The following GRP variants were observed in gnomAD, a reference collection of about 807,000 sequenced individuals.
GRP encodes gastrin releasing peptide, also known as gastrin-releasing peptide.
In GRP, 11 loss-of-function variants were observed where a neutral mutation model predicts 12.7. The ratio of observed to expected loss-of-function variants is 0.87; its 90% CI spans 0.55 to 1.44. The LOEUF (loss-of-function observed/expected upper bound fraction) is 1.44, where lower values mean the gene tolerates loss of function less well. Ranked by LOEUF, GRP falls within the 40% of genes most tolerant of loss-of-function variation. GRP has a pLI of 0.00. For synonymous variants in GRP, 84 were observed against 77.7 expected, an observed-to-expected ratio of 1.08 and a Z score of -0.43; for missense variants, 212 against 185.4, an observed-to-expected ratio of 1.14 and a Z score of -0.83.
chr18:59,226,850 G>A (rs1307634090), intron 2 of GRP, among the ~76,000 whole-genome samples: 1 of 152,188 alleles, frequency 6.6e-6, no homozygotes, highest in Non-Finnish European at 1.5e-5. Flanking sequence ...AGCTGCCTTT[G>A]CCAAGCCTCG....
chr18:59,224,533 T>C (rs894016182), intron 1 of GRP, among the ~76,000 whole-genome samples: 1 of 152,172 alleles, frequency 6.6e-6, no homozygotes, highest in African/African-American at 2.4e-5. Context: ...CGTTAGAAAT[T>C]TCAAAGTGCT....
At chr18:59,226,918 TTCTC>T (rs898873092) in intron 2 of GRP, among the ~76,000 whole-genome samples, 5 of 152,092 alleles carry the variant, frequency 3.3e-5, no homozygotes, top group African/African-American at 9.7e-5. Flanking sequence ...ATTCTGGTCT[TTCTC>T]TTTCTTTTTT....
Position 59,230,411 on chromosome 18 carries a change from ACT to A in GRP, c.395_396del (p.Ser132CysfsTer7), listed in dbSNP as rs1026739575. 8.3e-6 allele frequency: 13 copies of A among 1,571,098 alleles called. No individual in the cohort carries two copies. In the Admixed American group the frequency reaches 1.5e-4, roughly 18 times the overall value. ...TTTCTAATATTTCTTAAGTTGGTAGACTCTCTGCTCCAGGTTCTCAACGTGAA... is the reference window on the plus strand; with the variant it reads ...TTTCTAATATTTCTTAAGTTGGTAGACTCTGCTCCAGGTTCTCAACGTGAA... ...DVGSKGKVGR[L>X]SAPGSQREGR... On this transcript the variant is annotated frameshift_variant, in exon 3 of 3. Coordinates refer to ENST00000256857, the MANE Select transcript of GRP (RefSeq NM_002091.5). LOFTEE classifies it high-confidence loss of function.
Position 59,230,559 on chromosome 18 carries a change from C to T in GRP, c.*91C>T. Reference sequence around the variant, plus strand: ...TTCTACGGATCATCAACAAGATTTCCTTGTGCAAAATATTTGACTATTCTG... The same window carrying T: ...TTCTACGGATCATCAACAAGATTTCTTTGTGCAAAATATTTGACTATTCTG... On this transcript the variant is annotated 3_prime_UTR_variant, in exon 3 of 3. Coordinates refer to ENST00000256857, the MANE Select transcript of GRP (RefSeq NM_002091.5). 1.3e-6 allele frequency: 1 copy of T among 780,730 alleles called. No individual in the cohort carries two copies. Among genetic ancestry groups the T allele is most frequent in the Non-Finnish European group, 2.3e-6 (1 of 434,130 alleles). The allele number at this position is 780,730 out of a possible 1,614,324, so 48.4% of individuals were successfully genotyped here. A position where few individuals can be genotyped will look rare whatever the true frequency, so the allele number is the denominator to read the frequency against.
intron 1 of GRP, among the ~76,000 whole-genome samples, chr18:59,223,382 T>C (rs1414061837): frequency 2.0e-5 from 3 of 152,212 alleles, no homozygotes; most frequent in Non-Finnish European, 4.4e-5. Context: ...ATGTTACAGA[T>C]AGCGTGCTCT....
In GRP at chr18:59,230,466, T is replaced by C; in HGVS notation, c.445T>C (p.Ter149ArgextTer1). 6.4e-7 allele frequency: 1 copy of C among 1,562,472 alleles called. No individual in the cohort carries two copies. The highest frequency in any genetic ancestry group is 8.8e-7 in the Non-Finnish European group (1 of 1,132,848). ...EGRNPQLNQQ[*>R] ...AAGGAACCCCCAGCTGAACCAGCAA[T>C]GATAATGATGGCCTCTCTCAAAAGA... The change falls in exon 3 of 3, where the codon TGA becomes CGA. Residue 149 changes from the stop codon to arginine (R), a stop_lost. Transcript: ENST00000256857.
rs1409147340 is a variant in GRP at position 59,220,303 on chromosome 18, T to G, written c.38T>G (p.Leu13Arg). 6.6e-7 allele frequency: 1 copy of G among 1,506,246 alleles called. No individual in the cohort carries two copies. The highest frequency in any genetic ancestry group is 2.1e-5 in the Admixed American group (1 of 48,414). The allele number at this position is 1,506,246 out of a possible 1,614,324, so 93.3% of individuals were successfully genotyped here. The change falls in exon 1 of 3, where the codon CTG (leucine) becomes CGG (arginine). Residue 13 changes from leucine to arginine, a missense_variant. Physicochemically the swap from Leu to Arg is moderately radical, Grantham distance 102 (BLOSUM62 -2). Transcript: ENST00000256857. ...GAGCTCCCGCTGGTCCTGCTGGCGCTGGTCCTCTGCCTGGCGCCCCGGGGG... is the reference window on the plus strand; with the variant it reads ...GAGCTCCCGCTGGTCCTGCTGGCGCGGGTCCTCTGCCTGGCGCCCCGGGGG... ...GRELPLVLLALVLCLAPRGRA... is the reference protein window; with the variant it reads ...GRELPLVLLARVLCLAPRGRA...
At chr18:59,219,692 A>G (rs1290937885), upstream of GRP, among the ~76,000 whole-genome samples, 4 of 152,126 alleles carry the variant, frequency 2.6e-5, no homozygotes, top group African/African-American at 9.7e-5. Flanking sequence ...ACGAAGAGAA[A>G]GGTCTGGAGA....
chr18:59,220,119 C>CCGGG, upstream of GRP: 2 of 390,788 alleles, frequency 5.1e-6, no homozygotes, highest in Non-Finnish European at 4.5e-6. Context: ...CCCCCCCGCC[C>CCGGG]GGGCTTCCAT....
chr18:59,227,044 T>C (rs62093992), intron 2 of GRP, among the ~76,000 whole-genome samples: 266 of 114,212 alleles, frequency 2.3e-3, no homozygotes, highest in Middle Eastern at 9.3e-3. Flanking sequence ...TTTCTTTCTT[T>C]CTTTCTTTCT....
intron 2 of GRP, among the ~76,000 whole-genome samples, chr18:59,226,784 G>A (rs1349516877): frequency 3.3e-5 from 5 of 152,214 alleles, no homozygotes; most frequent in Non-Finnish European, 5.9e-5. Flanking sequence ...CAGTACTGGA[G>A]AGCTTCCTTC....
chr18:59,220,108 GC>G (rs1360300068), upstream of GRP: 20 of 219,402 alleles, frequency 9.1e-5, no homozygotes, highest in East Asian at 1.7e-4. Flanking sequence ...GAGCCCCCCA[GC>G]CCCCCCGCCC....
At position 59,225,464 on chromosome 18, in the gene GRP, C is replaced by A. The variant is rs143149142; in HGVS notation, c.140-28C>A. 1.2e-4 allele frequency: 194 copies of A among 1,586,382 alleles called. No homozygotes were observed. The African/African-American group carries it at 2.4e-3, about 20-fold the overall frequency. The stretch of plus-strand genomic sequence containing the variant: ...TCCCTTTGGTTAAATTTGTGGCATT[C>A]TGAGTGTTTTTGTTTTTGTTTTTAC... On this transcript the variant is annotated intron_variant, in intron 1 of 2. Transcript: ENST00000256857.
intron 2 of GRP, among the ~76,000 whole-genome samples, chr18:59,230,071 C>T (rs1295140945): frequency 6.6e-6 from 1 of 152,104 alleles, no homozygotes; most frequent in African/African-American, 2.4e-5. Flanking sequence ...TGAAACATAC[C>T]TGAGTAATCA....
chr18:59,226,897 C>T (rs2069929878), intron 2 of GRP, among the ~76,000 whole-genome samples: 1 of 152,062 alleles, frequency 6.6e-6, no homozygotes, highest in African/African-American at 2.4e-5. Context: ...ATTTCACTGC[C>T]CTTTGGGTCT....
chr18:59,230,012 G>A (rs1409748582), intron 2 of GRP, among the ~76,000 whole-genome samples: 1 of 152,178 alleles, frequency 6.6e-6, no homozygotes, highest in Non-Finnish European at 1.5e-5. Context: ...ACACTCAGCT[G>A]CTCCTCTAGT....
chr18:59,219,907 G>C (rs1305451747), upstream of GRP, among the ~76,000 whole-genome samples: 1 of 152,168 alleles, frequency 6.6e-6, no homozygotes, highest in Non-Finnish European at 1.5e-5. Context: ...GTGTTGGATG[G>C]AAGGCGTCGA....
At chr18:59,221,165 C>T (rs1201479924) in intron 1 of GRP, among the ~76,000 whole-genome samples, 3 of 152,246 alleles carry the variant, frequency 2.0e-5, no homozygotes, top group Non-Finnish European at 2.9e-5. Context: ...CCCTTCTTGA[C>T]CCACGACTTC....
chr18:59,219,418 G>A (rs757885748), upstream of GRP, among the ~76,000 whole-genome samples: 2 of 139,578 alleles, frequency 1.4e-5, no homozygotes, highest in Admixed American at 7.2e-5. Flanking sequence ...AGAGAGATTG[G>A]GGAGGAGGGG....
Sources: gnomAD v4.1 joint callset for allele counts (sites outside exome capture counted in the v4.1 genomes callset) on GRCh38, gnomAD v4.1.1 for gene constraint, MANE v1.5 for transcripts, NCBI Gene and HGNC (gene_info 2026-07-23, HGNC 2026-07-21) for gene names.